SFMBT2: variants seen among roughly 807,000 people sequenced by gnomAD.
The protein encoded by SFMBT2 is Scm like with four mbt domains 2.
Under a neutral mutation model 110.1 loss-of-function variants are expected in SFMBT2, and 38 were observed. The observed-to-expected ratio is 0.35, with a 90% CI of 0.27 to 0.45. SFMBT2 has a LOEUF of 0.45. Ranked by LOEUF, SFMBT2 falls within the 20% of genes least tolerant of loss-of-function variation. SFMBT2 has a pLI of 1.00. For synonymous variants in SFMBT2, 425 were observed against 425.4 expected (o/e 1.00, Z 0.01); for missense variants, 1,011 against 1,094.9 (o/e 0.92, Z 1.08).
chr10:7,400,771 C>A (rs1229448169), intron 1 of SFMBT2, among the ~76,000 whole-genome samples: 1 of 152,210 alleles, frequency 6.6e-6, no homozygotes, highest in Non-Finnish European at 1.5e-5. Flanking sequence ...CTCCTCCACT[C>A]AGTTAGAAAA....
At chr10:7,209,129 C>T (rs1437729482) in intron 11 of SFMBT2, among the ~76,000 whole-genome samples, 1 of 152,200 alleles carries the variant, frequency 6.6e-6, no homozygotes, top group East Asian at 1.9e-4. Flanking sequence ...CTACATTTAT[C>T]TGGCTGGACT....
intron 7 of SFMBT2, among the ~76,000 whole-genome samples, chr10:7,274,319 G>A (rs912331980): frequency 2.3e-4 from 35 of 152,208 alleles, no homozygotes; most frequent in Admixed American, 2.2e-3. Context: ...GACCCCATCT[G>A]TACAGAAACA....
chr10:7,335,792 C>T (rs967172635), intron 4 of SFMBT2, among the ~76,000 whole-genome samples: 6 of 152,124 alleles, frequency 3.9e-5, no homozygotes, highest in East Asian at 1.9e-4. Flanking sequence ...TGGACTGTAA[C>T]GTAACAAAGG....
intron 4 of SFMBT2, among the ~76,000 whole-genome samples, chr10:7,352,288 G>T (rs1844349066): frequency 6.6e-6 from 1 of 152,198 alleles, no homozygotes; most frequent in Non-Finnish European, 1.5e-5. Context: ...GCTCTTGGAA[G>T]TTTCCATAGC....
chr10:7,313,269 G>T (rs537606117), intron 4 of SFMBT2, among the ~76,000 whole-genome samples: 60 of 151,890 alleles, frequency 4.0e-4, no homozygotes, highest in Middle Eastern at 6.8e-3. Context: ...CAACGCAATT[G>T]CACTGTGTAT....
intron 9 of SFMBT2, among the ~76,000 whole-genome samples, chr10:7,228,717 TTCTTTCTTTCTTTCTTTCCTTTCTCTCTC>T (rs1564395172): frequency 1.4e-3 from 187 of 132,000 alleles, no homozygotes; most frequent in African/African-American, 5.3e-3. Flanking sequence ...CTTTCTTTCT[TTCTTTCTTTCTTTCTTTCCTTTCTCTCTC>T]TCTCTCTCTC....
At chr10:7,200,973 C>G (rs998668237) in intron 13 of SFMBT2, 2 of 436,438 alleles carry the variant, frequency 4.6e-6, no homozygotes, top group Non-Finnish European at 6.1e-6. Flanking sequence ...TATAAACTGG[C>G]ATATCTTAAA....
intron 4 of SFMBT2, among the ~76,000 whole-genome samples, chr10:7,311,045 C>CAAAAAAAAAAAAAAAA (rs201310544): frequency 3.1e-5 from 3 of 96,932 alleles, no homozygotes; most frequent in Non-Finnish European, 4.1e-5. Context: ...AACTCCATCT[C>CAAAAAAAAAAAAAAAA]AAAAAAAAAA....
At position 7,197,904 on chromosome 10, in the gene SFMBT2, CCA is replaced by C. The variant is rs1364261225; in HGVS notation, c.1559-219_1559-218del. On this transcript the variant is annotated intron_variant, in intron 14 of 20. Transcript: ENST00000397167. ...TGTCGTTAGAACTGTAATTAGGAGG[CCA>C]CACTCTAGTTCCAAATCGTGACAAA... 3.3e-6 allele frequency: 3 copies of C among 907,382 alleles called. No homozygotes were observed. In the African/African-American group the frequency reaches 5.4e-5, roughly 16 times the overall value. 56.2% of individuals were successfully genotyped at this position (907,382 alleles called of 1,614,324 possible).
chr10:7,308,619 T>G (rs940631669), intron 4 of SFMBT2, among the ~76,000 whole-genome samples: 5 of 152,222 alleles, frequency 3.3e-5, no homozygotes, highest in African/African-American at 1.2e-4. Context: ...AGAAAGAATG[T>G]AAGGTGAATG....
chr10:7,298,047 G>A (rs1465314798), intron 4 of SFMBT2, among the ~76,000 whole-genome samples: 3 of 152,316 alleles, frequency 2.0e-5, no homozygotes, highest in African/African-American at 4.8e-5. Flanking sequence ...GGAGGTGGTC[G>A]TGCTGCTGTT....
chr10:7,248,425 T>C (rs1588382166), intron 8 of SFMBT2, 123 bp downstream of exon 8: 2 of 768,734 alleles, frequency 2.6e-6, no homozygotes, highest in Admixed American at 2.6e-5. Flanking sequence ...CAATCTTCCT[T>C]AGCTTCGCCT....
chr10:7,276,999 C>A lies in SFMBT2; in HGVS notation c.773-10G>T, dbSNP rs751463781. On this transcript the variant is annotated splice_polypyrimidine_tract_variant and intron_variant, in intron 6 of 20. Transcript: ENST00000397167. Reference sequence around the variant, plus strand: ...TTCAAAGGATAGATTTCTGTATCAACAGCAAATCACAGAAGAGTTGAAGGA... The same window carrying A: ...TTCAAAGGATAGATTTCTGTATCAAAAGCAAATCACAGAAGAGTTGAAGGA... The A allele has an allele frequency of 1.2e-6, 1 of 863,806 alleles. No homozygotes were observed. Among genetic ancestry groups the A allele is most frequent in the East Asian group, 2.4e-5 (1 of 41,670 alleles). The allele number at this position is 863,806 out of a possible 1,614,324, so 53.5% of individuals were successfully genotyped here.
chr10:7,213,083 G>C (rs1011488123), intron 11 of SFMBT2, among the ~76,000 whole-genome samples: 2 of 152,048 alleles, frequency 1.3e-5, no homozygotes, highest in African/African-American at 4.8e-5. Flanking sequence ...CCTGTCAAGG[G>C]GTGGGGGTAA....
intron 1 of SFMBT2, among the ~76,000 whole-genome samples, chr10:7,406,866 G>A (rs1846224527): frequency 6.6e-6 from 1 of 152,146 alleles, no homozygotes; most frequent in Non-Finnish European, 1.5e-5. Flanking sequence ...CAGAGTGGAT[G>A]ACCACTCTCT....
At chr10:7,216,509 T>C (rs1247236666) in intron 11 of SFMBT2, among the ~76,000 whole-genome samples, 1 of 152,236 alleles carries the variant, frequency 6.6e-6, no homozygotes, top group Admixed American at 6.5e-5. Context: ...CCATTAAACC[T>C]ATTTTTCTCA....
At chr10:7,315,720 G>A (rs1359669357) in intron 4 of SFMBT2, among the ~76,000 whole-genome samples, 2 of 152,148 alleles carry the variant, frequency 1.3e-5, no homozygotes, top group African/African-American at 4.8e-5. Flanking sequence ...ATTTCAATCT[G>A]CTACTAACCC....
rs549490383 is a variant in SFMBT2 at position 7,311,314 on chromosome 10, T to C, written c.437-25360A>G. Among the ~76,000 whole-genome samples the C allele has an allele frequency of 3.9e-5, 6 of 152,330 alleles. No homozygotes were observed. In the South Asian group the frequency reaches 6.2e-4, roughly 16 times the overall value. On this transcript the variant is annotated intron_variant, in intron 4 of 20. Coordinates refer to ENST00000397167, the MANE Select transcript of SFMBT2 (RefSeq NM_001387889.1). ...GAGCTAAACATTTCCAATGGCTATC[T>C]CTAGGTAGTCCATCTTTCATTGTGA... is the stretch of plus-strand genomic sequence containing the variant.
intron 4 of SFMBT2, chr10:7,348,098 T>A (rs1844175813): frequency 4.7e-6 from 2 of 427,766 alleles, no homozygotes; most frequent in South Asian, 1.6e-4. Flanking sequence ...ATCATCATCA[T>A]CCCTTCATCT....
Sources: gnomAD v4.1 joint callset for allele counts (sites outside exome capture counted in the v4.1 genomes callset) on GRCh38, gnomAD v4.1.1 for gene constraint, MANE v1.5 for transcripts, NCBI Gene and HGNC (gene_info 2026-07-23, HGNC 2026-07-21) for gene names.